Variants in PAPSS1 observed in about 807,000 individuals in gnomAD.
PAPSS1 encodes bifunctional 3'-phosphoadenosine 5'-phosphosulfate synthase 1.
PAPSS1 carries 50 observed loss-of-function variants against 72.0 expected under a neutral mutation model. The observed-to-expected ratio is 0.69, with a 90% CI of 0.55 to 0.88. The LOEUF (loss-of-function observed/expected upper bound fraction) is 0.88, where lower values mean the gene tolerates loss of function less well. PAPSS1 is among the 40% of genes least tolerant of loss of function. The probability of loss-of-function intolerance (pLI) is 0.00; values close to 1 mark genes in which losing one functional copy is unlikely to be tolerated. For missense variants in PAPSS1, 657 were observed against 782.2 expected (o/e 0.84, Z 1.91); for synonymous variants, 261 against 263.6 (o/e 0.99, Z 0.09).
intron 5 of PAPSS1, among the ~76,000 whole-genome samples, chr4:107,678,517 A>C (rs1727720612): frequency 6.6e-6 from 1 of 152,178 alleles, no homozygotes; most frequent in South Asian, 2.1e-4. Context: ...CCACCAAGAA[A>C]AGACCAGGCA....
chr4:107,656,813 C>T, intron 7 of PAPSS1, 83 bp downstream of exon 7: 3 of 977,532 alleles, frequency 3.1e-6, no homozygotes, highest in Non-Finnish European at 4.9e-6. Context: ...TACCCTACTA[C>T]TTTTTGTAAA....
chr4:107,713,066 C>A (rs996249592), intron 1 of PAPSS1, among the ~76,000 whole-genome samples: 1 of 151,878 alleles, frequency 6.6e-6, no homozygotes, highest in African/African-American at 2.4e-5. Flanking sequence ...CCTGCCTCAG[C>A]CTCCTGAGTA....
At chr4:107,718,762 C>T (rs1012987040) in intron 1 of PAPSS1, among the ~76,000 whole-genome samples, 5 of 152,084 alleles carry the variant, frequency 3.3e-5, no homozygotes, top group Non-Finnish European at 7.4e-5. Context: ...CTGTAAATAC[C>T]CCAAGTAAGC....
At chr4:107,692,651 G>C (rs1405996104) in intron 3 of PAPSS1, among the ~76,000 whole-genome samples, 1 of 152,060 alleles carries the variant, frequency 6.6e-6, no homozygotes, top group Admixed American at 6.6e-5. Flanking sequence ...ACCCAAATGA[G>C]TATAAGTCAC....
intron 5 of PAPSS1, among the ~76,000 whole-genome samples, chr4:107,674,889 C>T (rs1404255008): frequency 5.9e-5 from 9 of 152,232 alleles, no homozygotes; most frequent in Non-Finnish European, 1.3e-4. Flanking sequence ...TCACTCAAAA[C>T]CACTCAACTA....
chr4:107,683,307 A>C (rs1032925120), intron 4 of PAPSS1, among the ~76,000 whole-genome samples: 2 of 152,176 alleles, frequency 1.3e-5, no homozygotes, highest in Non-Finnish European at 2.9e-5. Flanking sequence ...AACTCAAGAA[A>C]AAATTTCTGC....
intron 11 of PAPSS1, among the ~76,000 whole-genome samples, chr4:107,625,277 G>C (rs1578381509): frequency 6.6e-6 from 1 of 152,172 alleles, no homozygotes; most frequent in Admixed American, 6.5e-5. Flanking sequence ...AGATTTTGCA[G>C]ATACAATTAA....
At chr4:107,656,259 G>T (rs768194197) in intron 7 of PAPSS1, among the ~76,000 whole-genome samples, 1 of 152,038 alleles carries the variant, frequency 6.6e-6, no homozygotes, top group Non-Finnish European at 1.5e-5. Context: ...GGGATTAGAG[G>T]CACACACCAC....
At chr4:107,673,667 C>A (rs1410604435) in intron 5 of PAPSS1, among the ~76,000 whole-genome samples, 1 of 152,084 alleles carries the variant, frequency 6.6e-6, no homozygotes, top group African/African-American at 2.4e-5. Context: ...GCAAGGCAGG[C>A]CAACATTCAA....
chr4:107,663,195 T>C (rs904986241), intron 5 of PAPSS1, among the ~76,000 whole-genome samples: 3 of 152,012 alleles, frequency 2.0e-5, no homozygotes, highest in African/African-American at 4.8e-5. Context: ...GGGCATAACA[T>C]CTTCAAAACC....
At chr4:107,623,405 G>C (rs1726019129) in intron 11 of PAPSS1, among the ~76,000 whole-genome samples, 1 of 152,160 alleles carries the variant, frequency 6.6e-6, no homozygotes, top group Non-Finnish European at 1.5e-5. Context: ...CTGATGTGCT[G>C]CTCTAGGAAG....
intron 4 of PAPSS1, among the ~76,000 whole-genome samples, chr4:107,683,998 C>T (rs1172925452): frequency 6.7e-6 from 1 of 149,434 alleles, no homozygotes; most frequent in African/African-American, 2.4e-5. Flanking sequence ...ACCTAAGGAA[C>T]ATTTTATCAA....
intron 4 of PAPSS1, among the ~76,000 whole-genome samples, chr4:107,684,865 C>T (rs775570248): frequency 4.3e-4 from 65 of 152,188 alleles, no homozygotes; most frequent in Middle Eastern, 3.4e-3. Flanking sequence ...GGCTGTGTCA[C>T]GGGCCATGGT....
chr4:107,718,132 G>A (rs571228490), intron 1 of PAPSS1, among the ~76,000 whole-genome samples: 1 of 152,282 alleles, frequency 6.6e-6, no homozygotes, highest in South Asian at 2.1e-4. Flanking sequence ...GAATTTTAAA[G>A]GTATATGGGT....
At chr4:107,661,910 G>C (rs2110324081) in intron 5 of PAPSS1, among the ~76,000 whole-genome samples, 1 of 152,264 alleles carries the variant, frequency 6.6e-6, no homozygotes, top group Non-Finnish European at 1.5e-5. Context: ...GAAAATCTAA[G>C]AACTATTCTC....
chr4:107,696,166 C>T (rs183939327), intron 2 of PAPSS1, among the ~76,000 whole-genome samples: 17 of 152,264 alleles, frequency 1.1e-4, no homozygotes, highest in African/African-American at 3.8e-4. Flanking sequence ...CAGTGTGGTG[C>T]TTCCTCAAGG....
intron 10 of PAPSS1, 24 bp downstream of exon 10, chr4:107,644,778 G>A (rs752448276): frequency 1.9e-6 from 3 of 1,586,256 alleles, no homozygotes; most frequent in Non-Finnish European, 2.6e-6. Flanking sequence ...CACTGCTGCA[G>A]TGAAAATCTT....
intron 2 of PAPSS1, among the ~76,000 whole-genome samples, chr4:107,698,932 C>A (rs1281416966): frequency 6.6e-6 from 1 of 151,964 alleles, no homozygotes; most frequent in African/African-American, 2.4e-5. Flanking sequence ...TGGAACCTAA[C>A]TGACCTGGGG....
intron 4 of PAPSS1, among the ~76,000 whole-genome samples, chr4:107,684,933 T>G (rs553070777): frequency 6.6e-6 from 1 of 151,932 alleles, no homozygotes; most frequent in South Asian, 2.1e-4. Flanking sequence ...TTAGATGGAG[T>G]CTCGCTCTGT....
Sources: gnomAD v4.1 joint callset for allele counts (sites outside exome capture counted in the v4.1 genomes callset) on GRCh38, gnomAD v4.1.1 for gene constraint, MANE v1.5 for transcripts, NCBI Gene and HGNC (gene_info 2026-07-23, HGNC 2026-07-21) for gene names.